POU3F3: variants seen among roughly 807,000 people sequenced by gnomAD.
POU3F3 encodes POU class 3 homeobox 3, also known as POU domain, class 3, transcription factor 3.
A neutral mutation model predicts 8.6 loss-of-function variants in POU3F3; 1 was observed. The ratio of observed to expected loss-of-function variants is 0.12; its 90% CI spans 0.04 to 0.55. POU3F3 has a LOEUF of 0.55. Ranked by LOEUF, POU3F3 falls within the 20% of genes least tolerant of loss-of-function variation. The pLI, the probability that POU3F3 is intolerant of heterozygous loss-of-function variation, is 0.91. For synonymous variants in POU3F3, 418 were observed against 327.4 expected, an observed-to-expected ratio of 1.28 and a Z score of -2.99; for missense variants, 577 against 690.7, an observed-to-expected ratio of 0.84 and a Z score of 1.84.
the POU3F3 span, among the ~76,000 whole-genome samples, chr2:104,881,231 A>C: frequency 0.66 from 100,304 of 151,362 alleles, 33,888 homozygotes; most frequent in East Asian, 0.88. Context: ...AATCATGGCT[A>C]ACTGCAGCTT....
At chr2:104,881,185 G>T in the POU3F3 span, among the ~76,000 whole-genome samples, 2 of 104,624 alleles carry the variant, frequency 1.9e-5, no homozygotes, top group Admixed American at 1.1e-4. Flanking sequence ...GAGAGATAAG[G>T]TCTCTCTCTG....
chr2:104,906,179 G>A, the POU3F3 span, among the ~76,000 whole-genome samples: 16 of 152,184 alleles, frequency 1.1e-4, no homozygotes, highest in Admixed American at 2.6e-4. Flanking sequence ...TTTTCCTGTT[G>A]CATCTTTGAT....
upstream of POU3F3, chr2:104,853,586 T>A (rs1185612717): frequency 6.6e-6 from 1 of 152,322 alleles, no homozygotes; most frequent in African/African-American, 2.4e-5. Flanking sequence ...GCTTGAATGG[T>A]ACATCCGTGC....
the POU3F3 span, among the ~76,000 whole-genome samples, chr2:104,884,555 C>G: frequency 6.6e-6 from 1 of 152,224 alleles, no homozygotes; most frequent in Non-Finnish European, 1.5e-5. Flanking sequence ...ACACACCACT[C>G]CACTTCAACA....
the POU3F3 span, among the ~76,000 whole-genome samples, chr2:104,892,659 G>GTA: frequency 1.3e-5 from 2 of 150,894 alleles, no homozygotes; most frequent in Non-Finnish European, 2.9e-5. Context: ...GTACATATGT[G>GTA]TATATATATA....
chr2:104,890,447 T>A, the POU3F3 span, among the ~76,000 whole-genome samples: 1 of 152,200 alleles, frequency 6.6e-6, no homozygotes, highest in Non-Finnish European at 1.5e-5. Context: ...TTCCTCTCCA[T>A]GGCCACAATA....
the POU3F3 span, among the ~76,000 whole-genome samples, chr2:104,902,401 C>CCGAGACT: frequency 6.6e-6 from 1 of 152,112 alleles, no homozygotes; most frequent in Non-Finnish European, 1.5e-5. Context: ...ATCTCAGCTC[C>CCGAGACT]CGAGACTCGG....
the POU3F3 span, among the ~76,000 whole-genome samples, chr2:104,880,568 C>T: frequency 5.9e-5 from 9 of 152,180 alleles, no homozygotes; most frequent in Non-Finnish European, 1.2e-4. Context: ...TGCCTCCCTG[C>T]AAGTGTCCAC....
In POU3F3 at chr2:104,854,621, G is replaced by C. The variant is rs1358482709; in HGVS notation, c.-890G>C. Among the ~76,000 whole-genome samples, 1 of 152,114 alleles carries C rather than the reference G, an allele frequency of 6.6e-6. No individual in the cohort carries two copies. Among genetic ancestry groups the C allele is most frequent in the Non-Finnish European group, 1.5e-5 (1 of 68,018 alleles). ...GCGAGGAGAATGAAAAAGGACTCTT[G>C]TTTCAGAGGCAACCAAGAGCTCCGG... On this transcript the variant is annotated 5_prime_UTR_variant, in exon 1 of 1. Transcript: ENST00000361360. The surrounding 1 kb of genome is among the most constrained non-coding windows in gnomAD (Gnocchi z 4.5).
the POU3F3 span, among the ~76,000 whole-genome samples, chr2:104,880,891 C>T: frequency 6.6e-6 from 1 of 152,136 alleles, no homozygotes; most frequent in Non-Finnish European, 1.5e-5. Flanking sequence ...TTGAAGTCTG[C>T]CCTGTACCCC....
rs765892800 is a variant in POU3F3 at position 104,855,753 on chromosome 2, C to T, written c.243C>T (p.Ala81=). ...KMVQSDFMQG[A]MAASNGGHML... ...TCCAGAGCGACTTCATGCAGGGGGC[C>T]ATGGCCGCCAGCAACGGCGGCCATA... Residue 81 remains alanine, a synonymous_variant, in exon 1 of 1, where the codon GCC becomes GCT. Transcript: ENST00000361360. The T allele has an allele frequency of 1.5e-6, 2 of 1,322,606 alleles. No individual in the cohort carries two copies. The highest frequency in any genetic ancestry group is 1.3e-5 in the South Asian group (1 of 77,234). 81.9% of individuals were successfully genotyped at this position (1,322,606 alleles called of 1,614,324 possible).
the POU3F3 span, among the ~76,000 whole-genome samples, chr2:104,918,017 A>T: frequency 6.6e-6 from 1 of 152,216 alleles, no homozygotes; most frequent in Non-Finnish European, 1.5e-5. Flanking sequence ...TATTCTGGGC[A>T]TCCATGTATC....
the POU3F3 span, among the ~76,000 whole-genome samples, chr2:104,900,538 T>C: frequency 6.6e-5 from 10 of 152,248 alleles, no homozygotes; most frequent in African/African-American, 2.4e-4. Context: ...CCAGCCTTCC[T>C]ACTCTTCTCT....
chr2:104,868,887 T>C, the POU3F3 span, among the ~76,000 whole-genome samples: 1 of 152,244 alleles, frequency 6.6e-6, no homozygotes, highest in Non-Finnish European at 1.5e-5. Flanking sequence ...TCAAAGATTT[T>C]CTATGTGTGT....
At chr2:104,881,507 A>C in the POU3F3 span, among the ~76,000 whole-genome samples, 1 of 151,854 alleles carries the variant, frequency 6.6e-6, no homozygotes, top group Admixed American at 6.6e-5. Context: ...CGTTCAATGC[A>C]TCCTCTCTCT....
the POU3F3 span, among the ~76,000 whole-genome samples, chr2:104,915,204 A>C: frequency 8.4e-4 from 128 of 152,324 alleles, no homozygotes; most frequent in African/African-American, 2.9e-3. Context: ...CAATTGTATT[A>C]GTCTTTCTCA....
chr2:104,897,564 G>A, the POU3F3 span, among the ~76,000 whole-genome samples: 3 of 152,120 alleles, frequency 2.0e-5, no homozygotes, highest in African/African-American at 7.2e-5. Flanking sequence ...AGTGGTGAGT[G>A]GCACAAACAC....
At chr2:104,913,586 G>C in the POU3F3 span, among the ~76,000 whole-genome samples, 1 of 152,090 alleles carries the variant, frequency 6.6e-6, no homozygotes, top group African/African-American at 2.4e-5. Flanking sequence ...ACAATCAAAG[G>C]CTCTGCTGTG....
At chr2:104,863,911 G>A in the POU3F3 span, among the ~76,000 whole-genome samples, 1 of 152,230 alleles carries the variant, frequency 6.6e-6, no homozygotes, top group Non-Finnish European at 1.5e-5. Context: ...GCGGAGTGGA[G>A]GCAAGGCCGG....
Sources: allele counts gnomAD v4.1 joint callset (sites outside exome capture counted in the v4.1 genomes callset), GRCh38; gene constraint gnomAD v4.1.1; non-coding constraint Gnocchi (gnomAD v3.1); transcripts MANE v1.5; gene names NCBI Gene and HGNC (gene_info 2026-07-23, HGNC 2026-07-21).